Variants in QTRT1 observed in about 807,000 individuals in gnomAD.
QTRT1 encodes TGT, 43-KD subunit.
Under a neutral mutation model 44.0 loss-of-function variants are expected in QTRT1, and 41 were observed. The ratio of observed to expected loss-of-function variants is 0.93; its 90% CI spans 0.73 to 1.21. The LOEUF (loss-of-function observed/expected upper bound fraction) is 1.21, where lower values mean the gene tolerates loss of function less well. QTRT1 is among the 50% of genes most tolerant of loss of function. The pLI is 0.00. For missense variants in QTRT1, 542 were observed against 575.8 expected (o/e 0.94, Z 0.60); for synonymous variants, 226 against 237.1 (o/e 0.95, Z 0.43).
chr19:10,706,937 C>A (rs536275478), intron 3 of QTRT1: 4 of 250,104 alleles, frequency 1.6e-5, no homozygotes, highest in Non-Finnish European at 2.4e-5. Context: ...CCTGCCTCGG[C>A]GTCCCCAAGT....
At chr19:10,703,759 T>C (rs1209122348) in intron 3 of QTRT1, among the ~76,000 whole-genome samples, 1 of 152,048 alleles carries the variant, frequency 6.6e-6, no homozygotes, top group African/African-American at 2.4e-5. Flanking sequence ...CCTCAAGTGA[T>C]CTGCCCATCT....
At chr19:10,708,767 CTT>C (rs1181603706) in intron 5 of QTRT1, among the ~76,000 whole-genome samples, 5 of 128,100 alleles carry the variant, frequency 3.9e-5, no homozygotes, top group Admixed American at 7.9e-5. Context: ...TTTTTTTTTT[CTT>C]TTTTTTTTTT....
rs529051644 is a variant in QTRT1, at chr19:10,708,242, C to T, written c.646+627C>T. ...CCTCCCAAAGTGCTGGGATTACAGG[C>T]GTGAGCCACCGTACCTGGCCTCTTT... On this transcript the variant is annotated intron_variant, in intron 5 of 9. Transcript: ENST00000250237. Among the ~76,000 whole-genome samples the T allele has an allele frequency of 9.2e-5, 14 of 152,192 alleles. No individual in the cohort carries two copies. In the South Asian group the frequency reaches 2.5e-3, roughly 27 times the overall value.
Position 10,713,032 on chromosome 19 carries a change from G to A in QTRT1, c.1051G>A (p.Ala351Thr), listed in dbSNP as rs768481230. 3 of 1,610,938 alleles carry A rather than the reference G, an allele frequency of 1.9e-6. No individual in the cohort carries two copies. Among genetic ancestry groups the A allele is most frequent in the Admixed American group, 1.7e-5 (1 of 59,986 alleles). ...ALHHLTVHNI[A>T]YQLQLMSAVR... ...GCACCACCTCACGGTCCACAACATC[G>A]CCTACCAGGTGAGCCAGTGCCCGGG... Residue 351 changes from alanine to threonine, a missense_variant, in exon 9 of 10, where the codon GCC becomes ACC. Physicochemically the swap from Ala to Thr is moderately conservative, Grantham distance 58 (BLOSUM62 0). Transcript: ENST00000250237. This position sits in a 1 kb window ranked among gnomAD's most constrained non-coding sequence, Gnocchi z 4.3.
intron 1 of QTRT1, 49 bp downstream of exon 1, chr19:10,701,752 G>T: frequency 1.9e-6 from 3 of 1,557,942 alleles, no homozygotes; most frequent in South Asian, 1.2e-5. Context: ...GCGAGGCGTG[G>T]GGAGCCATGG....
At chr19:10,707,682 T>C (rs1397376164) in intron 5 of QTRT1, 67 bp downstream of exon 5, 10 of 1,179,094 alleles carry the variant, frequency 8.5e-6, no homozygotes, top group Middle Eastern at 2.0e-4. Flanking sequence ...GCCTGGCGTA[T>C]GGCGGGACTG....
At position 10,701,933 on chromosome 19, in the gene QTRT1, T is replaced by G. The variant is rs775371263; in HGVS notation, c.244-17T>G. On this transcript the variant is annotated splice_polypyrimidine_tract_variant and intron_variant, in intron 1 of 9. Transcript: ENST00000250237. ...ACGCGGTCACCCCTAACCTGACACT[T>G]TCTTCCATCAACCCAGGGACCCGAG... The G allele has an allele frequency of 1.9e-6, 3 of 1,613,926 alleles. No homozygotes were observed. Among genetic ancestry groups the G allele is most frequent in the Non-Finnish European group, 2.5e-6 (3 of 1,179,948 alleles).
Position 10,713,135 on chromosome 19 carries a change from C to T in QTRT1, c.1077C>T (p.Ala359=), listed in dbSNP as rs574255566. The change falls in exon 10 of 10, where the codon GCC becomes GCT. Residue 359 remains alanine, a synonymous_variant. Transcript: ENST00000250237. The surrounding 1 kb of genome is among the most constrained non-coding windows in gnomAD (Gnocchi z 4.3). ...CCCCGCAGCTGCAGCTCATGAGCGCCGTCCGCACCAGCATCGTGGAGAAGC... is the reference window on the plus strand; with the variant it reads ...CCCCGCAGCTGCAGCTCATGAGCGCTGTCCGCACCAGCATCGTGGAGAAGC... The part of the protein sequence containing the change: ...NIAYQLQLMS[A]VRTSIVEKRF... 40 of 1,608,996 alleles carry T rather than the reference C, an allele frequency of 2.5e-5. No individual in the cohort carries two copies. In the East Asian group the frequency reaches 4.5e-4, roughly 18 times the overall value.
At chr19:10,705,552 T>A (rs1399726766) in intron 3 of QTRT1, among the ~76,000 whole-genome samples, 2 of 151,990 alleles carry the variant, frequency 1.3e-5, no homozygotes, top group East Asian at 3.9e-4. Context: ...TTTTTCTTTT[T>A]TGAGACACAA....
rs1441285310 is a variant in QTRT1 at position 10,713,191 on chromosome 19, G to T, written c.1133G>T (p.Gly378Val). 1 of 1,609,738 alleles carries T rather than the reference G, an allele frequency of 6.2e-7. No homozygotes were observed. Among genetic ancestry groups the T allele is most frequent in the South Asian group, 1.1e-5 (1 of 90,714 alleles). The stretch of plus-strand genomic sequence containing the variant: ...CCGGACTTCGTGCGGGACTTCATGG[G>T]CGCCATGTACGGGGATCCCACCCTC... ...RFPDFVRDFM[G>V]AMYGDPTLCP... Residue 378 changes from glycine to valine, a missense_variant, in exon 10 of 10, where the codon GGC (glycine) becomes GTC (valine). By Grantham distance (109) the Gly-to-Val change is moderately radical. Coordinates refer to ENST00000250237, the MANE Select transcript of QTRT1 (RefSeq NM_031209.3). The surrounding 1 kb of genome is among the most constrained non-coding windows in gnomAD (Gnocchi z 4.3).
chr19:10,708,631 C>A (rs766479705), intron 5 of QTRT1, among the ~76,000 whole-genome samples: 1 of 152,140 alleles, frequency 6.6e-6, no homozygotes, highest in Non-Finnish European at 1.5e-5. Context: ...AGCTCCCCTT[C>A]CCATGATCCG....
chr19:10,710,380 C>G (rs1361713718), intron 5 of QTRT1, among the ~76,000 whole-genome samples: 1 of 151,732 alleles, frequency 6.6e-6, no homozygotes, highest in Non-Finnish European at 1.5e-5. Flanking sequence ...GCAGTGGCAC[C>G]ATCTCGGCTC....
At chr19:10,703,092 A>T (rs1599392764) in intron 3 of QTRT1, among the ~76,000 whole-genome samples, 13 of 31,638 alleles carry the variant, frequency 4.1e-4, no homozygotes, top group Admixed American at 1.4e-3. Context: ...TTTTTTTTTG[A>T]GACAGAGTCG....
At chr19:10,707,875 C>G (rs1447072620) in intron 5 of QTRT1, among the ~76,000 whole-genome samples, 4 of 151,884 alleles carry the variant, frequency 2.6e-5, no homozygotes, top group Non-Finnish European at 5.9e-5. Flanking sequence ...GATCCACCCC[C>G]CTTGGCCTCC....
chr19:10,702,305 A>G, intron 3 of QTRT1, 51 bp downstream of exon 3: 1 of 1,585,960 alleles, frequency 6.3e-7, no homozygotes, highest in Non-Finnish European at 8.6e-7. Context: ...CAGGGGGTGA[A>G]GTTTACACGG....
chr19:10,712,661 A>G lies in QTRT1; in HGVS notation c.861+33A>G, dbSNP rs1478904416. ...TCTGGCAGAAGGAGGTCAGGGCGGG[A>G]GACGGGTGGGGGACTAGGGAGGCAA... On this transcript the variant is annotated intron_variant, in intron 7 of 9. Transcript: ENST00000250237. The surrounding 1 kb of genome is among the most constrained non-coding windows in gnomAD (Gnocchi z 5.6). The G allele has an allele frequency of 7.8e-7, 1 of 1,276,076 alleles. No individual in the cohort carries two copies. The highest frequency in any genetic ancestry group is 2.1e-5 in the Admixed American group (1 of 47,340). 79.0% of individuals were successfully genotyped at this position (1,276,076 alleles called of 1,614,324 possible). A position where few individuals can be genotyped will look rare whatever the true frequency, so the allele number is the denominator to read the frequency against.
Position 10,702,910 on chromosome 19 carries a change from C to T in QTRT1, c.451+656C>T, listed in dbSNP as rs1442762081. Among the ~76,000 whole-genome samples, 6 of 151,006 alleles carry T rather than the reference C, an allele frequency of 4.0e-5. No individual in the cohort carries two copies. In the East Asian group the frequency reaches 5.8e-4, roughly 15 times the overall value. On this transcript the variant is annotated intron_variant, in intron 3 of 9. Transcript: ENST00000250237. ...TCAGCCTCCCGAGTAGCTGGGATTACAGGTGTGCGCCACCACACCTGGCTA... is the reference window on the plus strand; with the variant it reads ...TCAGCCTCCCGAGTAGCTGGGATTATAGGTGTGCGCCACCACACCTGGCTA...
intron 3 of QTRT1, 104 bp from the exon 4 acceptor site, chr19:10,707,198 T>G (rs941219506): frequency 5.3e-6 from 6 of 1,124,434 alleles, no homozygotes; most frequent in Non-Finnish European, 8.1e-6. Flanking sequence ...AGACGGGGGA[T>G]GGGGGGATGC....
At chr19:10,702,896 A>G (rs1165702262) in intron 3 of QTRT1, among the ~76,000 whole-genome samples, 2 of 147,966 alleles carry the variant, frequency 1.4e-5, no homozygotes, top group African/African-American at 5.0e-5. Flanking sequence ...CAGCCTCCCG[A>G]GTAGCTGGGA....
Sources: gnomAD v4.1 joint callset for allele counts (sites outside exome capture counted in the v4.1 genomes callset) on GRCh38, gnomAD v4.1.1 for gene constraint, Gnocchi (gnomAD v3.1) non-coding constraint, MANE v1.5 for transcripts, NCBI Gene and HGNC (gene_info 2026-07-23, HGNC 2026-07-21) for gene names.